Variants in SUCLG2 observed in about 807,000 individuals in gnomAD.
SUCLG2 encodes the protein succinate-CoA ligase GDP-forming subunit beta.
A neutral mutation model predicts 47.9 loss-of-function variants in SUCLG2; 42 were observed. The observed-to-expected ratio is 0.88, with a 90% CI of 0.69 to 1.14. SUCLG2 has a LOEUF of 1.14. Among genes scored for constraint, SUCLG2 ranks in the 50% most tolerant of loss-of-function variants. The probability of loss-of-function intolerance (pLI) is 0.00; values close to 1 mark genes in which losing one functional copy is unlikely to be tolerated. For missense variants in SUCLG2, 571 were observed against 525.9 expected, an observed-to-expected ratio of 1.09 and a Z score of -0.84; for synonymous variants, 195 against 197.3, an observed-to-expected ratio of 0.99 and a Z score of 0.10.
exon 11 of SUCLG2, chr3:67,360,542 T>C (rs1249882147): frequency 7.4e-7 from 1 of 1,350,414 alleles, no homozygotes; most frequent in African/African-American, 1.5e-5. Flanking sequence ...AGCATGCAGC[T>C]GAACCCAAAT....
At chr3:67,399,324 ACTGT>A (rs1702630609) in intron 10 of SUCLG2, among the ~76,000 whole-genome samples, 1 of 152,186 alleles carries the variant, frequency 6.6e-6, no homozygotes, top group South Asian at 2.1e-4. Flanking sequence ...TGTTCGTGCA[ACTGT>A]CTGGGTATCA....
intron 9 of SUCLG2, among the ~76,000 whole-genome samples, chr3:67,470,045 CAAAA>C (rs200817099): frequency 5.2e-5 from 5 of 96,422 alleles, no homozygotes; most frequent in Non-Finnish European, 2.3e-5. Context: ...AACTCCATAT[CAAAA>C]AAAAAAAAAA....
intron 10 of SUCLG2, among the ~76,000 whole-genome samples, chr3:67,385,325 A>G (rs1559640510): frequency 6.6e-6 from 1 of 152,184 alleles, no homozygotes; most frequent in Non-Finnish European, 1.5e-5. Flanking sequence ...CACTGCCTAG[A>G]GTGGGGCAGC....
intron 6 of SUCLG2, among the ~76,000 whole-genome samples, chr3:67,517,910 C>G (rs1269673517): frequency 6.6e-6 from 1 of 152,086 alleles, no homozygotes; most frequent in Non-Finnish European, 1.5e-5. Flanking sequence ...GATGATGAAA[C>G]TAAAGTTCGA....
chr3:67,625,399 G>A (rs1460342808), intron 1 of SUCLG2, among the ~76,000 whole-genome samples: 1 of 152,114 alleles, frequency 6.6e-6, no homozygotes, highest in Non-Finnish European at 1.5e-5. Context: ...ACCTCGTCCA[G>A]GATCAAGAAG....
At chr3:67,390,866 A>AT (rs1276202403) in intron 10 of SUCLG2, among the ~76,000 whole-genome samples, 1 of 152,136 alleles carries the variant, frequency 6.6e-6, no homozygotes, top group African/African-American at 2.4e-5. Context: ...TCTTATAATA[A>AT]TTTTTTAAGA....
At chr3:67,381,303 A>T (rs1702153714) in intron 10 of SUCLG2, among the ~76,000 whole-genome samples, 1 of 152,202 alleles carries the variant, frequency 6.6e-6, no homozygotes, top group Admixed American at 6.5e-5. Flanking sequence ...CTTGGAAATG[A>T]CTGTGAGTTT....
chr3:67,430,202 TA>T (rs1159908553), intron 9 of SUCLG2, among the ~76,000 whole-genome samples: 2 of 152,054 alleles, frequency 1.3e-5, no homozygotes, highest in African/African-American at 4.8e-5. Context: ...GAGTTGGAAG[TA>T]AAAAACTCAT....
intron 10 of SUCLG2, among the ~76,000 whole-genome samples, chr3:67,392,740 T>C (rs1393482035): frequency 6.6e-6 from 1 of 152,112 alleles, no homozygotes; most frequent in Non-Finnish European, 1.5e-5. Flanking sequence ...ACTCATAGGT[T>C]GAAAGTAATG....
Position 67,609,588 on chromosome 3 carries a change from T to C in SUCLG2, c.93A>G (p.Gln31=), listed in dbSNP as rs779689691. The C allele has an allele frequency of 5.6e-6, 9 of 1,613,256 alleles. No individual in the cohort carries two copies. Among genetic ancestry groups the C allele is most frequent in the East Asian group, 4.5e-5 (2 of 44,876 alleles). ...RFLAAGSQAV[Q]LTSRRWLNLQ... The stretch of plus-strand genomic sequence containing the variant: ...GGTTCAGCCATCTTCTGGAGGTTAA[T>C]TGAACTGCCTACAGAAATTGAAGGA... Residue 31 remains glutamine, a synonymous_variant, in exon 2 of 11, where the codon CAA becomes CAG. Coordinates refer to ENST00000307227, the MANE Select transcript of SUCLG2 (RefSeq NM_003848.4).
intron 9 of SUCLG2, among the ~76,000 whole-genome samples, 172 bp downstream of exon 9, chr3:67,495,626 T>C (rs1219864762): frequency 1.4e-5 from 2 of 138,840 alleles, no homozygotes. Flanking sequence ...TACTCCAGCC[T>C]GGGCAACGGA....
intron 9 of SUCLG2, among the ~76,000 whole-genome samples, chr3:67,442,514 A>T (rs1174020028): frequency 6.6e-6 from 1 of 152,198 alleles, no homozygotes; most frequent in African/African-American, 2.4e-5. Context: ...ATTCTTATGC[A>T]CACTGCTCTA....
At chr3:67,598,149 T>G (rs935282264) in intron 2 of SUCLG2, among the ~76,000 whole-genome samples, 2 of 151,866 alleles carry the variant, frequency 1.3e-5, no homozygotes, top group Non-Finnish European at 1.5e-5. Flanking sequence ...CCCAGCTAAT[T>G]TTTTTGTATT....
At chr3:67,456,301 T>C (rs1704184778) in intron 9 of SUCLG2, among the ~76,000 whole-genome samples, 1 of 152,180 alleles carries the variant, frequency 6.6e-6, no homozygotes. Context: ...GCCCATTATA[T>C]GCAAGGGCTA....
At chr3:67,551,997 G>A (rs1030371230) in intron 2 of SUCLG2, among the ~76,000 whole-genome samples, 1 of 152,004 alleles carries the variant, frequency 6.6e-6, no homozygotes, top group Non-Finnish European at 1.5e-5. Flanking sequence ...TTCAAGCTCA[G>A]GTGAATATAA....
At chr3:67,645,257 T>G (rs1701170603) in intron 1 of SUCLG2, among the ~76,000 whole-genome samples, 1 of 152,156 alleles carries the variant, frequency 6.6e-6, no homozygotes, top group Admixed American at 6.5e-5. Context: ...TTTATACTGG[T>G]CATAAAAGCC....
At chr3:67,539,803 C>A (rs1299689336) in intron 2 of SUCLG2, among the ~76,000 whole-genome samples, 2 of 152,128 alleles carry the variant, frequency 1.3e-5, no homozygotes, top group Non-Finnish European at 2.9e-5. Flanking sequence ...TGTATGTGAC[C>A]AGGAATTCAT....
intron 9 of SUCLG2, among the ~76,000 whole-genome samples, chr3:67,409,869 A>C (rs1702896535): frequency 6.6e-6 from 1 of 152,186 alleles, no homozygotes; most frequent in African/African-American, 2.4e-5. Flanking sequence ...ACTAATGTGA[A>C]TACTGCACCA....
At position 67,400,747 on chromosome 3, in the gene SUCLG2, CA is replaced by C. The variant is rs768312588; in HGVS notation, c.1166del (p.Leu389ArgfsTer60). 1.9e-6 allele frequency: 3 copies of C among 1,611,822 alleles called. No individual in the cohort carries two copies. Among genetic ancestry groups the C allele is most frequent in the South Asian group, 1.1e-5 (1 of 90,954 alleles). ...ACRELELKVP[L>X]VVRLEGTNVQ... ...ATGACTCACCTTCAAGCCGGACCACCAGGGGCACCTTGAGTTCTAGCTCCCG... is the reference window on the plus strand; with the variant it reads ...ATGACTCACCTTCAAGCCGGACCACCGGGGCACCTTGAGTTCTAGCTCCCG... On this transcript the variant is annotated frameshift_variant, in exon 10 of 11. Transcript: ENST00000307227. LOFTEE classifies it high-confidence loss of function.
Sources: allele counts gnomAD v4.1 joint callset (sites outside exome capture counted in the v4.1 genomes callset), GRCh38; gene constraint gnomAD v4.1.1; transcripts MANE v1.5; gene names NCBI Gene and HGNC (gene_info 2026-07-23, HGNC 2026-07-21).